The following KDM1A variants were observed in gnomAD, a reference collection of about 807,000 sequenced individuals.
KDM1A encodes the protein lysine demethylase 1A, also known as lysine-specific histone demethylase 1A.
In KDM1A, 49 loss-of-function variants were observed where a neutral mutation model predicts 109.4. That is an observed-to-expected ratio of 0.45 (90% CI 0.36 to 0.57). The LOEUF (loss-of-function observed/expected upper bound fraction) is 0.57, where lower values mean the gene tolerates loss of function less well. Ranked by LOEUF, KDM1A falls within the 20% of genes least tolerant of loss-of-function variation. KDM1A has a pLI of 0.00. For synonymous variants in KDM1A, 380 were observed against 415.4 expected (o/e 0.91, Z 1.04); for missense variants, 668 against 1,116.6 (o/e 0.60, Z 5.73).
chr1:23,050,636 T>C, intron 4 of KDM1A, 116 bp downstream of exon 4: 1 of 783,576 alleles, frequency 1.3e-6, no homozygotes, highest in African/African-American at 1.8e-5. Flanking sequence ...TATAATACTA[T>C]TATTACCCAG....
rs150919428 is a variant in KDM1A at position 23,068,200 on chromosome 1, A to C, written c.1180-339A>C. Reference sequence around the variant, plus strand: ...TTTTCTAGTGTGTTGTTTGCATGTCAGCCAGCTCAACTTAATGCATGTCAG... The same window carrying C: ...TTTTCTAGTGTGTTGTTTGCATGTCCGCCAGCTCAACTTAATGCATGTCAG... On this transcript the variant is annotated intron_variant, in intron 10 of 20. Coordinates refer to ENST00000400181, the MANE Select transcript of KDM1A (RefSeq NM_001009999.3). Among the ~76,000 whole-genome samples the C allele has an allele frequency of 2.7e-3, 408 of 152,236 alleles. 4 individuals carry two copies. The highest frequency in any genetic ancestry group is 9.1e-3 in the African/African-American group (378 of 41,538).
chr1:23,022,965 C>G (rs1182558831), intron 1 of KDM1A, among the ~76,000 whole-genome samples: 1 of 152,112 alleles, frequency 6.6e-6, no homozygotes, highest in Non-Finnish European at 1.5e-5. Context: ...GCCTCCATAT[C>G]CTTCTTGACA....
chr1:23,063,677 TACTG>T (rs1193831853), intron 9 of KDM1A, among the ~76,000 whole-genome samples: 1 of 152,244 alleles, frequency 6.6e-6, no homozygotes, highest in African/African-American at 2.4e-5. Context: ...ATAGTTATAA[TACTG>T]ACTTTGCTTT....
At chr1:23,037,125 T>C (rs1051686437) in intron 2 of KDM1A, among the ~76,000 whole-genome samples, 4 of 122,698 alleles carry the variant, frequency 3.3e-5, no homozygotes, top group African/African-American at 8.8e-5. Flanking sequence ...AAAAAAAATA[T>C]ATATACACAC....
chr1:23,071,291 C>G lies in KDM1A; in HGVS notation c.1480C>G (p.Pro494Ala). The G allele has an allele frequency of 6.2e-7, 1 of 1,612,458 alleles. No homozygotes were observed. Among genetic ancestry groups the G allele is most frequent in the Non-Finnish European group, 8.5e-7 (1 of 1,179,252 alleles). The part of the protein sequence containing the change: ...QQYKEASEVK[P>A]PRDITAEFLV... ...ATACAAAGAAGCATCTGAAGTAAAG[C>G]CACCCAGAGATATTACTGCCGAGTT... Residue 494 changes from proline to alanine, a missense_variant, in exon 13 of 21, where the codon CCA (proline) becomes GCA (alanine). Physicochemically the swap from Pro to Ala is conservative, Grantham distance 27. Transcript: ENST00000400181.
chr1:23,081,294 C>A, intron 18 of KDM1A, 152 bp from the exon 19 acceptor site: 1 of 879,218 alleles, frequency 1.1e-6, no homozygotes, highest in Non-Finnish European at 1.8e-6. Context: ...TATGCTGTTT[C>A]AGAAACATAA....
At chr1:23,075,140 G>A in intron 15 of KDM1A, among the ~76,000 whole-genome samples, 1 of 152,184 alleles carries the variant, frequency 6.6e-6, no homozygotes, top group Non-Finnish European at 1.5e-5. Flanking sequence ...TCCAAAAATA[G>A]TTTTCTTTCG....
chr1:23,041,547 A>G (rs1642335701), intron 2 of KDM1A, among the ~76,000 whole-genome samples: 1 of 138,930 alleles, frequency 7.2e-6, no homozygotes, highest in African/African-American at 2.7e-5. Context: ...AGTTCAAGCG[A>G]TTCTCCTGCC....
At position 23,019,814 on chromosome 1, in the gene KDM1A, G is replaced by T. The variant is rs1265619269; in HGVS notation, c.218G>T (p.Gly73Val). ...KEPPRASPPG[G>V]LAEPPGSAGP... ...CCTCCGCGGGCCTCGCCCCCCGGGG[G>T]CCTGGCGGAACCGCCGGGGTCCGCA... Residue 73 changes from glycine (G) to valine (V), a missense_variant, in exon 1 of 21, where the codon GGC becomes GTC. By Grantham distance (109) the Gly-to-Val change is moderately radical. This residue lies in a region of KDM1A where 156 missense variants were observed against 163.4 expected (regional missense o/e 0.95). Transcript: ENST00000400181. The T allele has an allele frequency of 2.1e-6, 3 of 1,415,528 alleles. No homozygotes were observed. The highest frequency in any genetic ancestry group is 2.8e-6 in the Non-Finnish European group (3 of 1,085,438). The allele number at this position is 1,415,528 out of a possible 1,614,324, so 87.7% of individuals were successfully genotyped here. A position where few individuals can be genotyped will look rare whatever the true frequency, so the allele number is the denominator to read the frequency against.
intron 9 of KDM1A, 68 bp downstream of exon 9, chr1:23,059,235 G>A: frequency 9.2e-7 from 1 of 1,092,286 alleles, no homozygotes; most frequent in Non-Finnish European, 1.4e-6. Flanking sequence ...TAGGAGAATG[G>A]TATGGATGAG....
chr1:23,079,531 A>G lies in KDM1A; in HGVS notation c.2056-22A>G. On this transcript the variant is annotated intron_variant, in intron 17 of 20. Transcript: ENST00000400181. This position sits in a 1 kb window ranked among gnomAD's most constrained non-coding sequence, Gnocchi z 5.6. ...ATTATCTGGCCCCTGTCACTGGCTC[A>G]TGTGCTTCTTTCTTATGGTAGGTGG... The G allele has an allele frequency of 6.3e-7, 1 of 1,587,606 alleles. No individual in the cohort carries two copies. The highest frequency in any genetic ancestry group is 8.6e-7 in the Non-Finnish European group (1 of 1,158,728).
intron 2 of KDM1A, among the ~76,000 whole-genome samples, chr1:23,031,168 C>G (rs1213116859): frequency 1.3e-5 from 2 of 152,064 alleles, no homozygotes; most frequent in Non-Finnish European, 2.9e-5. Context: ...TTATGGGAGT[C>G]TATAGTTTTG....
At chr1:23,072,760 C>G (rs1352471047) in intron 14 of KDM1A, among the ~76,000 whole-genome samples, 2 of 152,282 alleles carry the variant, frequency 1.3e-5, no homozygotes, top group East Asian at 3.9e-4. Context: ...ATTCTCTTGC[C>G]TCAGCCTCCT....
chr1:23,045,814 G>C (rs1387898858), intron 3 of KDM1A, among the ~76,000 whole-genome samples: 1 of 152,156 alleles, frequency 6.6e-6, no homozygotes, highest in Non-Finnish European at 1.5e-5. Context: ...TTCCAGGAAT[G>C]ATGGTGACTG....
At chr1:23,035,535 G>C (rs1480729832) in intron 2 of KDM1A, among the ~76,000 whole-genome samples, 1 of 152,190 alleles carries the variant, frequency 6.6e-6, no homozygotes, top group Non-Finnish European at 1.5e-5. Flanking sequence ...AATCATTGAT[G>C]TGAGAGAATG....
At chr1:23,026,526 A>C (rs1557497893) in intron 1 of KDM1A, among the ~76,000 whole-genome samples, 2 of 151,538 alleles carry the variant, frequency 1.3e-5, no homozygotes, top group Admixed American at 1.3e-4. Context: ...AAGTAGCTGG[A>C]ACTACAGATG....
intron 16 of KDM1A, among the ~76,000 whole-genome samples, chr1:23,077,769 G>A (rs1025947650): frequency 1.3e-5 from 2 of 151,968 alleles, no homozygotes; most frequent in African/African-American, 4.8e-5. Context: ...TTGGCCCCTG[G>A]GCTCCACTAG....
At chr1:23,057,381 T>C (rs1642861977) in intron 7 of KDM1A, 103 bp from the exon 8 acceptor site, 2 of 822,210 alleles carry the variant, frequency 2.4e-6, no homozygotes, top group East Asian at 5.1e-5. Context: ...AAACTCTACA[T>C]CTTTATTTTT....
intron 1 of KDM1A, 111 bp from the exon 2 acceptor site, chr1:23,030,358 C>G: frequency 2.6e-6 from 2 of 774,002 alleles, no homozygotes; most frequent in East Asian, 5.9e-5. Flanking sequence ...TGTATGCTTA[C>G]TTCCCTTAAA....
Sources: allele counts gnomAD v4.1 joint callset (sites outside exome capture counted in the v4.1 genomes callset), GRCh38; gene constraint gnomAD v4.1.1; regional missense constraint gnomAD v4.1.1; non-coding constraint Gnocchi (gnomAD v3.1); transcripts MANE v1.5; gene names NCBI Gene and HGNC (gene_info 2026-07-23, HGNC 2026-07-21).